Variants in CLCN5 observed in about 807,000 individuals in gnomAD.
CLCN5 encodes H(+)/Cl(-) exchange transporter 5.
CLCN5 carries 17 observed loss-of-function variants against 54.0 expected under a neutral mutation model. The ratio of observed to expected loss-of-function variants is 0.31; its 90% CI spans 0.22 to 0.47. CLCN5 has a LOEUF of 0.47. Among genes scored for constraint, CLCN5 ranks in the 20% least tolerant of loss-of-function variants. The probability of loss-of-function intolerance (pLI) is 1.00; values close to 1 mark genes in which losing one functional copy is unlikely to be tolerated. For synonymous variants in CLCN5, 222 were observed against 233.0 expected, an observed-to-expected ratio of 0.95 and a Z score of 0.43; for missense variants, 448 against 646.7, an observed-to-expected ratio of 0.69 and a Z score of 3.33.
intron 3 of CLCN5, among the ~76,000 whole-genome samples, chrX:50,017,103 T>C (rs1557183665): frequency 2.7e-5 from 3 of 111,856 alleles, no homozygotes; most frequent in Non-Finnish European, 5.6e-5. Context: ...GTGTGCAGGA[T>C]CTTGTATGGA....
chrX:50,045,878 C>T (rs1932374960), intron 4 of CLCN5, among the ~76,000 whole-genome samples: 1 of 112,075 alleles, frequency 8.9e-6, no homozygotes, highest in African/African-American at 3.2e-5. Context: ...AAGACAACGA[C>T]AACAAAAAGG....
At chrX:50,019,365 A>C (rs1473053599) in intron 3 of CLCN5, among the ~76,000 whole-genome samples, 3 of 109,946 alleles carry the variant, frequency 2.7e-5, no homozygotes, top group Non-Finnish European at 5.7e-5. Flanking sequence ...GTGACATTTT[A>C]ATACATACAA....
At chrX:49,936,269 T>G (rs1337106984) in intron 3 of CLCN5, among the ~76,000 whole-genome samples, 1 of 111,924 alleles carries the variant, frequency 8.9e-6, no homozygotes, top group Admixed American at 9.5e-5. Flanking sequence ...ATATTCAATG[T>G]GTCTCTTTGA....
chrX:49,993,019 T>A (rs376480475), intron 3 of CLCN5, among the ~76,000 whole-genome samples: 38 of 111,688 alleles, frequency 3.4e-4, no homozygotes, highest in African/African-American at 1.1e-3. Flanking sequence ...TTAAGCAGAT[T>A]TAAGAATCCA....
chrX:50,078,285 G>C (rs1316268028), intron 7 of CLCN5, among the ~76,000 whole-genome samples: 1 of 111,240 alleles, frequency 9.0e-6, no homozygotes, highest in African/African-American at 3.3e-5. Flanking sequence ...AGTGAGCAAT[G>C]ATAGTGCCAC....
intron 5 of CLCN5, among the ~76,000 whole-genome samples, chrX:50,072,134 A>G (rs1199958325): frequency 8.9e-6 from 1 of 112,052 alleles, no homozygotes; most frequent in Non-Finnish European, 1.9e-5. Context: ...TTATTCTTTG[A>G]AAAACATTGA....
At chrX:50,050,883 C>T (rs1382852802) in intron 4 of CLCN5, among the ~76,000 whole-genome samples, 2 of 110,163 alleles carry the variant, frequency 1.8e-5, no homozygotes, top group African/African-American at 6.6e-5. Flanking sequence ...AGGATGGTCT[C>T]CATCTCCTGA....
intron 9 of CLCN5, among the ~76,000 whole-genome samples, chrX:50,082,949 G>T (rs1176208485): frequency 9.0e-6 from 1 of 111,092 alleles, no homozygotes; most frequent in Non-Finnish European, 1.9e-5. Context: ...CTCTGTAGTG[G>T]CTGTCATGTT....
At chrX:50,067,705 G>A (rs1203719733) in intron 4 of CLCN5, 15 of 752,012 alleles carry the variant, frequency 2.0e-5, no homozygotes, top group Non-Finnish European at 2.3e-5. Context: ...GACCAAATGC[G>A]GGCTGCCAAG....
At chrX:49,991,466 T>C (rs782258259) in intron 3 of CLCN5, among the ~76,000 whole-genome samples, 1 of 112,148 alleles carries the variant, frequency 8.9e-6, no homozygotes, top group Non-Finnish European at 1.9e-5. Flanking sequence ...GTCAGATGCA[T>C]AGTTAGTGAA....
chrX:49,949,475 T>C (rs1356260490), intron 3 of CLCN5, among the ~76,000 whole-genome samples: 1 of 112,125 alleles, frequency 8.9e-6, no homozygotes, highest in Non-Finnish European at 1.9e-5. Flanking sequence ...GATATGACAA[T>C]TGTTTGGCTT....
chrX:50,029,405 T>G (rs1332512300), intron 3 of CLCN5, among the ~76,000 whole-genome samples: 3 of 108,288 alleles, frequency 2.8e-5, no homozygotes, highest in African/African-American at 1.0e-4. Flanking sequence ...ATGCGGTGTT[T>G]GGTTGTTTGT....
chrX:50,087,709 A>G (rs940511381), intron 11 of CLCN5, among the ~76,000 whole-genome samples: 4 of 111,452 alleles, frequency 3.6e-5, no homozygotes, highest in African/African-American at 1.3e-4. Flanking sequence ...CATCCCCTCA[A>G]TACAGGGAAG....
At chrX:49,971,517 A>T (rs1928212247) in intron 3 of CLCN5, among the ~76,000 whole-genome samples, 1 of 110,418 alleles carries the variant, frequency 9.1e-6, no homozygotes, top group Admixed American at 9.8e-5. Flanking sequence ...ACGGTCTTTA[A>T]TCAGTTTGAA....
chrX:49,969,164 G>A (rs1243097607), intron 3 of CLCN5, among the ~76,000 whole-genome samples: 1 of 109,737 alleles, frequency 9.1e-6, no homozygotes, highest in African/African-American at 3.3e-5. Context: ...TGCAACCTCC[G>A]CCTCCCAGGT....
intron 3 of CLCN5, among the ~76,000 whole-genome samples, chrX:50,015,569 C>T (rs1042166520): frequency 1.8e-5 from 2 of 109,087 alleles, no homozygotes; most frequent in African/African-American, 3.3e-5. Flanking sequence ...TTCAGTCTAT[C>T]GCTCTCTCTG....
At position 49,945,945 on chromosome X, in the gene CLCN5, C is replaced by T. The variant is rs782242994; in HGVS notation, c.16+20631C>T. 1.6e-4 allele frequency among the ~76,000 whole-genome samples: 18 copies of T among 109,352 alleles called. No homozygotes were observed. The East Asian group carries it at 4.1e-3, about 25-fold the overall frequency. The allele number at this position is 109,352 out of a possible 115,157, so 95.0% of individuals were successfully genotyped here. ...CTAATTTTTTGTATTTTAGTAGAGACGGGGTTTCACTGTGTTGCCCAGGCT... is the reference window on the plus strand; with the variant it reads ...CTAATTTTTTGTATTTTAGTAGAGATGGGGTTTCACTGTGTTGCCCAGGCT... On this transcript the variant is annotated intron_variant, in intron 3 of 14. Transcript: ENST00000376091.
chrX:50,078,977 C>T (rs1490317543), intron 7 of CLCN5, among the ~76,000 whole-genome samples: 1 of 111,621 alleles, frequency 9.0e-6, no homozygotes, highest in Non-Finnish European at 1.9e-5. Context: ...CACCCGCTAC[C>T]ACGCCCGGCT....
At chrX:49,960,927 G>A (rs1270518367) in intron 3 of CLCN5, among the ~76,000 whole-genome samples, 1 of 111,168 alleles carries the variant, frequency 9.0e-6, no homozygotes, top group East Asian at 2.9e-4. Flanking sequence ...TTATCTTTCA[G>A]TCTTCAGCTC....
Sources: gnomAD v4.1 joint callset for allele counts (sites outside exome capture counted in the v4.1 genomes callset) on GRCh38, gnomAD v4.1.1 for gene constraint, MANE v1.5 for transcripts, NCBI Gene and HGNC (gene_info 2026-07-23, HGNC 2026-07-21) for gene names.